The following GRIN2B variants were observed in gnomAD, a reference collection of about 807,000 sequenced individuals.
The protein encoded by GRIN2B is glutamate ionotropic receptor NMDA type subunit 2B.
A neutral mutation model predicts 114.5 loss-of-function variants in GRIN2B; 5 were observed. The observed-to-expected ratio is 0.04, with a 90% CI of 0.02 to 0.09. The LOEUF (loss-of-function observed/expected upper bound fraction) is 0.09. Among genes scored for constraint, GRIN2B ranks in the 10% least tolerant of loss-of-function variants. The probability of loss-of-function intolerance (pLI) is 1.00; values close to 1 mark genes in which losing one functional copy is unlikely to be tolerated. For missense variants in GRIN2B, 1,108 were observed against 1,943.5 expected, an observed-to-expected ratio of 0.57 and a Z score of 8.08; for synonymous variants, 787 against 745.1, an observed-to-expected ratio of 1.06 and a Z score of -0.92.
At chr12:13,573,708 T>C (rs1360660439) in intron 10 of GRIN2B, among the ~76,000 whole-genome samples, 1 of 152,214 alleles carries the variant, frequency 6.6e-6, no homozygotes, top group African/African-American at 2.4e-5. Context: ...AAATCTAACC[T>C]GCCAACTCAG....
intron 5 of GRIN2B, among the ~76,000 whole-genome samples, chr12:13,647,740 G>A (rs1380583477): frequency 6.6e-6 from 1 of 152,020 alleles, no homozygotes; most frequent in African/African-American, 2.4e-5. Context: ...TTCAGTGAAT[G>A]TCTTCCAAAA....
intron 10 of GRIN2B, among the ~76,000 whole-genome samples, chr12:13,598,820 A>AC (rs1949110575): frequency 6.6e-6 from 1 of 151,972 alleles, no homozygotes; most frequent in Non-Finnish European, 1.5e-5. Context: ...GAACTGTTCT[A>AC]CCCCACCACT....
At chr12:13,862,004 A>G (rs1300259474) in intron 3 of GRIN2B, among the ~76,000 whole-genome samples, 6 of 152,306 alleles carry the variant, frequency 3.9e-5, no homozygotes, top group Middle Eastern at 3.4e-3. Flanking sequence ...GCAAGGAAAC[A>G]AACGTTGAGA....
intron 4 of GRIN2B, among the ~76,000 whole-genome samples, chr12:13,701,331 T>C (rs1271275169): frequency 1.3e-5 from 2 of 152,110 alleles, no homozygotes; most frequent in East Asian, 1.9e-4. Context: ...AAGAAACTTA[T>C]GAAATTGAGA....
intron 5 of GRIN2B, among the ~76,000 whole-genome samples, chr12:13,621,782 C>T (rs922586966): frequency 6.6e-6 from 1 of 151,934 alleles, no homozygotes; most frequent in Admixed American, 6.6e-5. Flanking sequence ...GCTCATAAGG[C>T]TTCCCGTAGG....
intron 3 of GRIN2B, among the ~76,000 whole-genome samples, chr12:13,782,547 A>G (rs2136656564): frequency 6.6e-6 from 1 of 152,192 alleles, no homozygotes; most frequent in East Asian, 1.9e-4. Flanking sequence ...AATAAAATAC[A>G]GAAAGAATTC....
chr12:13,712,326 A>C (rs770970058), intron 4 of GRIN2B, among the ~76,000 whole-genome samples: 3 of 152,070 alleles, frequency 2.0e-5, no homozygotes, highest in Non-Finnish European at 4.4e-5. Context: ...ACATGTATAC[A>C]TATGTAACAA....
At chr12:13,665,490 G>A (rs1354932949) in intron 5 of GRIN2B, among the ~76,000 whole-genome samples, 1 of 151,994 alleles carries the variant, frequency 6.6e-6, no homozygotes, top group Non-Finnish European at 1.5e-5. Flanking sequence ...TGCTACATTT[G>A]GATCCCATTA....
chr12:13,879,040 A>C (rs548662676), intron 2 of GRIN2B, among the ~76,000 whole-genome samples: 1 of 152,320 alleles, frequency 6.6e-6, no homozygotes, highest in South Asian at 2.1e-4. Flanking sequence ...GATTCATGAA[A>C]AAATTGAGTT....
intron 3 of GRIN2B, among the ~76,000 whole-genome samples, chr12:13,754,790 G>T (rs547392492): frequency 6.6e-6 from 1 of 152,130 alleles, no homozygotes; most frequent in African/African-American, 2.4e-5. Context: ...ACAGGTCTTG[G>T]TTTGACCTGG....
Position 13,754,140 on chromosome 12 carries a change from A to G in GRIN2B, c.412-225T>C, listed in dbSNP as rs1863537502. Among the ~76,000 whole-genome samples the G allele has an allele frequency of 2.0e-5, 3 of 152,342 alleles. No homozygotes were observed. In the South Asian group the frequency reaches 6.2e-4, roughly 32 times the overall value. On this transcript the variant is annotated intron_variant, in intron 3 of 13. Coordinates refer to ENST00000609686, the MANE Select transcript of GRIN2B (RefSeq NM_000834.5). ...GTCTCCTAGACTTTACAGAAAATCA[A>G]CCTATGTCTATACTTGCCTTGTCTG...
At chr12:13,597,575 C>T (rs1010597957) in intron 10 of GRIN2B, among the ~76,000 whole-genome samples, 1 of 152,220 alleles carries the variant, frequency 6.6e-6, no homozygotes, top group African/African-American at 2.4e-5. Flanking sequence ...TTCATCCAGA[C>T]AAGGGGTAGC....
At position 13,562,938 on chromosome 12, in the gene GRIN2B, G is replaced by A. The variant is rs1002108827; in HGVS notation, c.4300C>T (p.Leu1434Phe). ...LVTNKPVVSALHGAVPARFQK... is the reference protein window; with the variant it reads ...LVTNKPVVSAFHGAVPARFQK... The stretch of plus-strand genomic sequence containing the variant: ...AAACGGGCTGGCACGGCCCCATGAA[G>A]GGCCGAGACCACCGGCTTGTTGGTG... Residue 1434 changes from leucine to phenylalanine, a missense_variant, in exon 14 of 14, where the codon CTT becomes TTT. By Grantham distance (22) the Leu-to-Phe change is conservative. Around this residue, in one of 19 missense-constraint regions of GRIN2B, gnomAD observed 478 missense variants for 506.0 expected, o/e 0.94. Coordinates refer to ENST00000609686, the MANE Select transcript of GRIN2B (RefSeq NM_000834.5). 8 of 1,614,214 alleles carry A rather than the reference G, an allele frequency of 5.0e-6. No individual in the cohort carries two copies. Among genetic ancestry groups the A allele is most frequent in the Non-Finnish European group, 5.9e-6 (7 of 1,180,040 alleles).
intron 4 of GRIN2B, among the ~76,000 whole-genome samples, chr12:13,714,310 A>C (rs1037484172): frequency 6.6e-6 from 1 of 151,944 alleles, no homozygotes; most frequent in African/African-American, 2.4e-5. Context: ...TCAGTAAGAT[A>C]CTTCCTCTGA....
intron 3 of GRIN2B, among the ~76,000 whole-genome samples, chr12:13,766,062 G>C (rs547879136): frequency 6.6e-6 from 1 of 152,266 alleles, no homozygotes; most frequent in East Asian, 1.9e-4. Flanking sequence ...AACTAGTGAT[G>C]GACTCGGTAC....
At chr12:13,840,628 T>C (rs140713047) in intron 3 of GRIN2B, among the ~76,000 whole-genome samples, 38 of 152,298 alleles carry the variant, frequency 2.5e-4, no homozygotes, top group African/African-American at 8.9e-4. Context: ...ATAGCCACTG[T>C]AATAAAATAA....
At chr12:13,646,806 G>A (rs941651784) in intron 5 of GRIN2B, among the ~76,000 whole-genome samples, 3 of 152,062 alleles carry the variant, frequency 2.0e-5, no homozygotes, top group African/African-American at 7.2e-5. Context: ...GGGATTACGG[G>A]TGTGAGCCAC....
intron 2 of GRIN2B, among the ~76,000 whole-genome samples, chr12:13,904,179 T>A (rs761991123): frequency 3.3e-5 from 5 of 150,514 alleles, no homozygotes; most frequent in Non-Finnish European, 7.4e-5. Flanking sequence ...TTATTTTGTG[T>A]TTTCTATTTG....
At chr12:13,836,907 C>T (rs1397992383) in intron 3 of GRIN2B, among the ~76,000 whole-genome samples, 6 of 152,242 alleles carry the variant, frequency 3.9e-5, no homozygotes, top group East Asian at 1.9e-4. Context: ...CCGTACGGCC[C>T]GGGGAATGGA....
Sources: allele counts gnomAD v4.1 joint callset (sites outside exome capture counted in the v4.1 genomes callset), GRCh38; gene constraint gnomAD v4.1.1; regional missense constraint gnomAD v4.1.1; transcripts MANE v1.5; gene names NCBI Gene and HGNC (gene_info 2026-07-23, HGNC 2026-07-21).